Variants in PCSK6 observed in about 807,000 individuals in gnomAD.
PCSK6 encodes the protein proprotein convertase subtilisin/kexin type 6.
Under a neutral mutation model 123.3 loss-of-function variants are expected in PCSK6, and 85 were observed. The observed-to-expected ratio is 0.69, with a 90% CI of 0.58 to 0.83. PCSK6 has a LOEUF of 0.83. Among genes scored for constraint, PCSK6 ranks in the 40% least tolerant of loss-of-function variants. The pLI, the probability that PCSK6 is intolerant of heterozygous loss-of-function variation, is 0.00. For missense variants in PCSK6, 1,191 were observed against 1,282.3 expected, an observed-to-expected ratio of 0.93 and a Z score of 1.09; for synonymous variants, 508 against 516.0, an observed-to-expected ratio of 0.98 and a Z score of 0.21.
At position 101,344,541 on chromosome 15, in the gene PCSK6, C is replaced by T. The variant is rs55966005; in HGVS notation, c.1859-12510G>A. On this transcript the variant is annotated intron_variant, in intron 13 of 21. Transcript: ENST00000611716. ...CTCCCTCCTCTCCTGCTGGAGTTTC[C>T]CCTTGGCTGAACTCAACTATAAGCC... Among the ~76,000 whole-genome samples, 1,149 of 152,302 alleles carry T rather than the reference C, an allele frequency of 7.5e-3. 8 individuals are homozygous for T. The highest frequency in any genetic ancestry group is 0.022 in the South Asian group (105 of 4,826).
chr15:101,371,714 C>G (rs577525095), intron 11 of PCSK6, among the ~76,000 whole-genome samples: 4 of 151,592 alleles, frequency 2.6e-5, no homozygotes, highest in Non-Finnish European at 5.9e-5. Context: ...GCCTCCAGGC[C>G]TCACTGCCTC....
intron 18 of PCSK6, among the ~76,000 whole-genome samples, chr15:101,321,829 A>G (rs1229466230): frequency 6.6e-6 from 1 of 152,126 alleles, no homozygotes; most frequent in African/African-American, 2.4e-5. Flanking sequence ...AGTGCGGACC[A>G]TGGTGCTAGT....
rs1278000572 is a variant in PCSK6 at position 101,304,400 on chromosome 15, T to G, written c.*858A>C. On this transcript the variant is annotated 3_prime_UTR_variant, in exon 22 of 22. Coordinates refer to ENST00000611716, the MANE Select transcript of PCSK6 (RefSeq NM_002570.5). The stretch of plus-strand genomic sequence containing the variant: ...CATAAAATGGGAAGTGATGGATGAT[T>G]AACAATGCATGGCTGGCTTTACATT... 2 of 152,300 alleles carry G rather than the reference T, an allele frequency of 1.3e-5. No individual in the cohort carries two copies. Among genetic ancestry groups the G allele is most frequent in the African/African-American group, 4.8e-5 (2 of 41,454 alleles). 9.4% of individuals were successfully genotyped at this position (152,300 alleles called of 1,614,324 possible). A position where few individuals can be genotyped will look rare whatever the true frequency, so the allele number is the denominator to read the frequency against.
At chr15:101,404,871 A>G (rs528346704) in intron 6 of PCSK6, among the ~76,000 whole-genome samples, 191 of 152,244 alleles carry the variant, frequency 1.3e-3, no homozygotes, top group African/African-American at 3.9e-3. Context: ...CTGTTCTAGG[A>G]TTCTCTCTAC....
At chr15:101,459,841 TCTC>T (rs1449724970) in intron 1 of PCSK6, among the ~76,000 whole-genome samples, 1 of 151,582 alleles carries the variant, frequency 6.6e-6, no homozygotes, top group East Asian at 2.0e-4. Context: ...TCAACCACGT[TCTC>T]CTTAGAACCC....
At chr15:101,421,795 T>C (rs73481268) in intron 6 of PCSK6, among the ~76,000 whole-genome samples, 435 of 152,356 alleles carry the variant, frequency 2.9e-3, no homozygotes, top group Middle Eastern at 0.014. Context: ...AACAAGTGTT[T>C]GTTGTTTTAA....
At chr15:101,457,489 T>C (rs535597233) in intron 1 of PCSK6, among the ~76,000 whole-genome samples, 2 of 152,378 alleles carry the variant, frequency 1.3e-5, no homozygotes, top group South Asian at 2.1e-4. Flanking sequence ...GGTTTTTTCA[T>C]AGTATTTCTT....
At position 101,418,768 on chromosome 15, in the gene PCSK6, C is replaced by T. The variant is rs539084303; in HGVS notation, c.823+9124G>A. Among the ~76,000 whole-genome samples the T allele has an allele frequency of 9.9e-5, 15 of 152,282 alleles. No individual in the cohort carries two copies. In the South Asian group the frequency reaches 3.1e-3, roughly 32 times the overall value. On this transcript the variant is annotated intron_variant, in intron 6 of 21. Transcript: ENST00000611716. Reference sequence around the variant, plus strand: ...CATCAGGTGATCCACCCACTTTGACCTCCCAAAGTGCTGGGATTACAGGCG... The same window carrying T: ...CATCAGGTGATCCACCCACTTTGACTTCCCAAAGTGCTGGGATTACAGGCG...
At chr15:101,388,694 T>C (rs1385543407) in intron 9 of PCSK6, among the ~76,000 whole-genome samples, 1 of 121,252 alleles carries the variant, frequency 8.2e-6, no homozygotes, top group African/African-American at 2.8e-5. Flanking sequence ...AAGAAACCAC[T>C]TCACGCCCAT....
chr15:101,323,836 G>A lies in PCSK6; in HGVS notation c.2377+1014C>T, dbSNP rs184670979. ...GGTAACGGCAGTGCCATGACAGGCC[G>A]GATCAATGACCCATCCTGAGCAGTA... On this transcript the variant is annotated intron_variant, in intron 17 of 21. Transcript: ENST00000611716. Among the ~76,000 whole-genome samples, 177 of 152,226 alleles carry A rather than the reference G, an allele frequency of 1.2e-3. 2 individuals are homozygous for A. The highest frequency in any genetic ancestry group is 3.9e-3 in the African/African-American group (164 of 41,526).
chr15:101,314,653 G>A (rs1373496861), intron 19 of PCSK6, among the ~76,000 whole-genome samples: 1 of 152,204 alleles, frequency 6.6e-6, no homozygotes, highest in African/African-American at 2.4e-5. Flanking sequence ...CCGTAAGCCT[G>A]GGAGGGAATT....
At chr15:101,417,566 A>T (rs1269596456) in intron 6 of PCSK6, among the ~76,000 whole-genome samples, 1 of 152,222 alleles carries the variant, frequency 6.6e-6, no homozygotes, top group Admixed American at 6.5e-5. Flanking sequence ...CTAAGCTGAA[A>T]CGTACAATTA....
chr15:101,449,935 G>A (rs532243488), intron 1 of PCSK6, among the ~76,000 whole-genome samples: 23 of 152,054 alleles, frequency 1.5e-4, no homozygotes, highest in Non-Finnish European at 2.1e-4. Flanking sequence ...GGGCTGGGCC[G>A]GATCTGCACC....
Position 101,398,871 on chromosome 15 carries a change from A to T in PCSK6, c.824-295T>A, listed in dbSNP as rs1047743767. Among the ~76,000 whole-genome samples, 2 of 150,608 alleles carry T rather than the reference A, an allele frequency of 1.3e-5. No individual in the cohort carries two copies. The highest frequency in any genetic ancestry group is 6.6e-5 in the Admixed American group (1 of 15,116). On this transcript the variant is annotated intron_variant, in intron 6 of 21. Coordinates refer to ENST00000611716, the MANE Select transcript of PCSK6 (RefSeq NM_002570.5). The surrounding 1 kb of genome is among the most constrained non-coding windows in gnomAD (Gnocchi z 4.6). ...AATGCATATTTCTGTTTTTTATTTT[A>T]AAAAACAAGACCTATTATTATTATT...
At chr15:101,379,885 G>A (rs1026412705) in intron 11 of PCSK6, among the ~76,000 whole-genome samples, 27 of 152,320 alleles carry the variant, frequency 1.8e-4, no homozygotes, top group African/African-American at 5.3e-4. Context: ...CTGCCAGGAG[G>A]GGAGACCCAC....
intron 21 of PCSK6, among the ~76,000 whole-genome samples, chr15:101,306,129 G>A (rs546748736): frequency 1.3e-4 from 20 of 152,008 alleles, no homozygotes; most frequent in African/African-American, 4.8e-4. Context: ...CGGACAGGGA[G>A]GAGTGGGGAT....
At chr15:101,485,985 C>CG (rs1258884348) in intron 1 of PCSK6, among the ~76,000 whole-genome samples, 1 of 120,746 alleles carries the variant, frequency 8.3e-6, no homozygotes, top group African/African-American at 3.2e-5. Flanking sequence ...TTTTTTGAGA[C>CG]GGAGTTTCAC....
intron 3 of PCSK6, 96 bp downstream of exon 3, chr15:101,431,894 G>A: frequency 1.2e-6 from 1 of 858,904 alleles, no homozygotes; most frequent in South Asian, 1.4e-5. Context: ...GTCTGGAGAT[G>A]TTGTTTGAAT....
intron 6 of PCSK6, among the ~76,000 whole-genome samples, chr15:101,399,534 C>T (rs934851381): frequency 6.6e-6 from 1 of 152,202 alleles, no homozygotes; most frequent in Non-Finnish European, 1.5e-5. Flanking sequence ...CCAATGCCTG[C>T]CATCCCAGCC....
Sources: gnomAD v4.1 joint callset for allele counts (sites outside exome capture counted in the v4.1 genomes callset) on GRCh38, gnomAD v4.1.1 for gene constraint, Gnocchi (gnomAD v3.1) non-coding constraint, MANE v1.5 for transcripts, NCBI Gene and HGNC (gene_info 2026-07-23, HGNC 2026-07-21) for gene names.